CTNNA3: variants seen among roughly 807,000 people sequenced by gnomAD.
CTNNA3 encodes the protein catenin alpha 3.
Under a neutral mutation model 95.7 loss-of-function variants are expected in CTNNA3, and 76 were observed. The ratio of observed to expected loss-of-function variants is 0.79; its 90% CI spans 0.66 to 0.96. The LOEUF is 0.96. CTNNA3 is among the 40% of genes least tolerant of loss of function. CTNNA3 has a pLI of 0.00. For missense variants in CTNNA3, 1,191 were observed against 1,089.8 expected (o/e 1.09, Z -1.31); for synonymous variants, 431 against 374.4 (o/e 1.15, Z -1.74).
chr10:66,931,239 A>C (rs1847371868), intron 7 of CTNNA3, among the ~76,000 whole-genome samples: 1 of 151,362 alleles, frequency 6.6e-6, no homozygotes, highest in Non-Finnish European at 1.5e-5. Context: ...ATACAACAGA[A>C]CACAGAATAC....
chr10:66,717,910 G>A (rs1262075742), intron 9 of CTNNA3, among the ~76,000 whole-genome samples: 1 of 152,148 alleles, frequency 6.6e-6, no homozygotes, highest in Non-Finnish European at 1.5e-5. Flanking sequence ...CCCAGTGTGT[G>A]GTTGTGAGTA....
chr10:66,769,978 C>T (rs531030544), intron 8 of CTNNA3, among the ~76,000 whole-genome samples: 10 of 152,110 alleles, frequency 6.6e-5, no homozygotes, highest in Non-Finnish European at 8.8e-5. Context: ...AAACAGGTAC[C>T]TTTGTCTGGT....
chr10:67,426,840 A>G (rs1036053150), intron 5 of CTNNA3, among the ~76,000 whole-genome samples: 5 of 152,026 alleles, frequency 3.3e-5, no homozygotes, highest in African/African-American at 1.2e-4. Context: ...AGTAGTAGCA[A>G]CTTGCAAGGA....
At chr10:66,045,493 C>T (rs906604634) in intron 15 of CTNNA3, among the ~76,000 whole-genome samples, 3 of 152,020 alleles carry the variant, frequency 2.0e-5, no homozygotes, top group African/African-American at 7.2e-5. Context: ...TTAAAATATT[C>T]TATGTAGAAA....
At chr10:66,166,092 C>T (rs7075387) in intron 13 of CTNNA3, among the ~76,000 whole-genome samples, 124,696 of 152,090 alleles carry the variant, frequency 0.82, 51,244 homozygotes, top group South Asian at 0.92. Context: ...AAAATGCTTT[C>T]ACAGAAATTA....
chr10:66,103,045 C>A (rs2081710419), intron 14 of CTNNA3, 112 bp downstream of exon 14: 1 of 804,140 alleles, frequency 1.2e-6, no homozygotes, highest in Non-Finnish European at 2.2e-6. Flanking sequence ...CTTCACAGAA[C>A]TAGCTCCAGA....
intron 17 of CTNNA3, among the ~76,000 whole-genome samples, chr10:65,925,377 G>T (rs554234847): frequency 6.6e-6 from 1 of 152,096 alleles, no homozygotes; most frequent in South Asian, 2.1e-4. Context: ...AAATTATCTG[G>T]TTCTCTTCCT....
At chr10:66,517,330 G>A (rs577015671) in intron 11 of CTNNA3, among the ~76,000 whole-genome samples, 4 of 152,200 alleles carry the variant, frequency 2.6e-5, no homozygotes, top group East Asian at 1.9e-4. Flanking sequence ...AACCTACTGG[G>A]CTGCATTCCT....
intron 5 of CTNNA3, among the ~76,000 whole-genome samples, chr10:67,338,568 G>A (rs970304882): frequency 3.3e-5 from 5 of 150,560 alleles, no homozygotes. Context: ...GAAAATAACA[G>A]AAAAAAAAAT....
chr10:66,799,898 A>C (rs1324032459), intron 7 of CTNNA3, among the ~76,000 whole-genome samples: 1 of 151,286 alleles, frequency 6.6e-6, no homozygotes, highest in Non-Finnish European at 1.5e-5. Flanking sequence ...TGGAAATAAT[A>C]ACATAAATGT....
intron 5 of CTNNA3, among the ~76,000 whole-genome samples, chr10:67,424,342 G>A (rs1009825111): frequency 2.6e-5 from 4 of 152,136 alleles, no homozygotes; most frequent in South Asian, 2.1e-4. Flanking sequence ...AAAATGAAAC[G>A]AAAGCCAGAT....
rs12770165 is a variant in CTNNA3 at position 66,484,160 on chromosome 10, T to A, written c.1531+36457A>T. Among the ~76,000 whole-genome samples, 273 of 134,872 alleles carry A rather than the reference T, an allele frequency of 2.0e-3. 1 individual carries two copies. Among genetic ancestry groups the A allele is most frequent in the Non-Finnish European group, 2.6e-3 (170 of 65,696 alleles). The allele number at this position is 134,872 out of a possible 152,430, so 88.5% of individuals were successfully genotyped here. A position where few individuals can be genotyped will look rare whatever the true frequency, so the allele number is the denominator to read the frequency against. On this transcript the variant is annotated intron_variant, in intron 11 of 17. Coordinates refer to ENST00000433211, the MANE Select transcript of CTNNA3 (RefSeq NM_013266.4). ...ATGCAACCAAAGCTCCTGGAACTTATAAAAGAATCTGTGTCCAAAATTTTG... is the reference window on the plus strand; with the variant it reads ...ATGCAACCAAAGCTCCTGGAACTTAAAAAAGAATCTGTGTCCAAAATTTTG...
At chr10:66,508,556 G>A (rs1005367663) in intron 11 of CTNNA3, among the ~76,000 whole-genome samples, 1 of 151,654 alleles carries the variant, frequency 6.6e-6, no homozygotes, top group African/African-American at 2.4e-5. Context: ...TAAACTTCTG[G>A]GACTTTGTTA....
Position 66,189,600 on chromosome 10 carries a change from T to TTATATATA in CTNNA3, c.1885-86359_1885-86352dup, listed in dbSNP as rs539638553. ...CCATACTGTTTTAGTTACTATAGAT[T>TTATATATA]TATATATATATATATATACACACAT... On this transcript the variant is annotated intron_variant, in intron 13 of 17. Coordinates refer to ENST00000433211, the MANE Select transcript of CTNNA3 (RefSeq NM_013266.4). 1.2e-3 allele frequency among the ~76,000 whole-genome samples: 111 copies of TTATATATA among 89,278 alleles called. 3 individuals carry two copies. The highest frequency in any genetic ancestry group is 4.8e-3 in the African/African-American group (104 of 21,482). The allele number at this position is 89,278 out of a possible 152,430, so 58.6% of individuals were successfully genotyped here.
chr10:66,649,626 T>A (rs1845826211), intron 9 of CTNNA3, among the ~76,000 whole-genome samples: 1 of 152,172 alleles, frequency 6.6e-6, no homozygotes, highest in African/African-American at 2.4e-5. Context: ...ACCTGCAGAC[T>A]AAGCTTCCAG....
chr10:67,718,101 C>A (rs776631899), intron 1 of CTNNA3, among the ~76,000 whole-genome samples: 11 of 152,134 alleles, frequency 7.2e-5, no homozygotes, highest in Non-Finnish European at 1.6e-4. Flanking sequence ...GGAGTTCACT[C>A]ATGATTTGGC....
chr10:67,381,691 A>G (rs1460567381), intron 5 of CTNNA3, among the ~76,000 whole-genome samples: 2 of 152,162 alleles, frequency 1.3e-5, no homozygotes, highest in Admixed American at 1.3e-4. Flanking sequence ...TGGAAATTAC[A>G]TATACAACAT....
intron 7 of CTNNA3, among the ~76,000 whole-genome samples, chr10:66,933,744 A>G (rs1847538274): frequency 6.6e-6 from 1 of 151,746 alleles, no homozygotes; most frequent in Non-Finnish European, 1.5e-5. Flanking sequence ...ATGTACAGGG[A>G]CTTCCTTTTA....
rs1337434049 is a variant in CTNNA3, at chr10:67,726,496, T to TATATA, written c.-2+36933_-2+36937dup. On this transcript the variant is annotated intron_variant, in intron 1 of 17. Coordinates refer to the CTNNA3 transcript ENST00000684154. ...ATATTATATATTATATCATATACAATATATAATATATTATATATTATATTA... is the reference window on the plus strand; with the variant it reads ...ATATTATATATTATATCATATACAATATATAATATAATATATTATATATTATATTA... 8.7e-3 allele frequency among the ~76,000 whole-genome samples: 623 copies of TATATA among 71,758 alleles called. 10 individuals carry two copies. The highest frequency in any genetic ancestry group is 0.036 in the African/African-American group (595 of 16,392). 47.1% of individuals were successfully genotyped at this position (71,758 alleles called of 152,430 possible).
Sources: allele counts gnomAD v4.1 joint callset (sites outside exome capture counted in the v4.1 genomes callset), GRCh38; gene constraint gnomAD v4.1.1; transcripts MANE v1.5; gene names NCBI Gene and HGNC (gene_info 2026-07-23, HGNC 2026-07-21).